The following KLF13 variants were observed in gnomAD, a reference collection of about 807,000 sequenced individuals.
KLF13 encodes the protein Krueppel-like factor 13.
KLF13 carries 8 observed loss-of-function variants against 16.7 expected under a neutral mutation model. The ratio of observed to expected loss-of-function variants is 0.48; its 90% CI spans 0.28 to 0.87. The LOEUF is 0.87. Among genes scored for constraint, KLF13 ranks in the 40% least tolerant of loss-of-function variants. The pLI, the probability that KLF13 is intolerant of heterozygous loss-of-function variation, is 0.10. For synonymous variants in KLF13, 245 were observed against 208.4 expected (o/e 1.18, Z -1.51); for missense variants, 447 against 452.2 (o/e 0.99, Z 0.10).
chr15:31,387,818 A>AGGGCTGTGACCAGCCTGTGATC (rs1300221338), intron 1 of KLF13, among the ~76,000 whole-genome samples: 2 of 152,236 alleles, frequency 1.3e-5, no homozygotes, highest in Non-Finnish European at 2.9e-5. Context: ...TGTCCGTGAC[A>AGGGCTGTGACCAGCCTGTGATC]GGGCTGTGAC....
At chr15:31,420,426 C>T in intron 1 of KLF13, 2 of 1,052,446 alleles carry the variant, frequency 1.9e-6, no homozygotes, top group Non-Finnish European at 2.9e-6. Context: ...AAGTTCCTCA[C>T]ATCCTGCTAC....
intron 1 of KLF13, among the ~76,000 whole-genome samples, chr15:31,362,878 C>T (rs188253950): frequency 8.5e-5 from 13 of 152,296 alleles, no homozygotes; most frequent in Non-Finnish European, 1.8e-4. Context: ...TTGTAAAGAA[C>T]TCATTCTACT....
At chr15:31,354,361 A>T (rs1566813901) in intron 1 of KLF13, among the ~76,000 whole-genome samples, 1 of 152,184 alleles carries the variant, frequency 6.6e-6, no homozygotes, top group African/African-American at 2.4e-5. Flanking sequence ...ATCCTTGTCC[A>T]TATATTAATA....
At position 31,327,513 on chromosome 15, in the gene KLF13, C is replaced by T. The variant is rs908089588; in HGVS notation, c.301C>T (p.Pro101Ser). Residue 101 changes from proline to serine, a missense_variant, in exon 1 of 2, where the codon CCC (proline) becomes TCC (serine). Pro to Ser is a moderately conservative substitution (Grantham distance 74). Transcript: ENST00000307145. ...KARTPCRLPPPAPEPTSPGAE... is the reference protein window; with the variant it reads ...KARTPCRLPPSAPEPTSPGAE... ...GAGGACCCCCTGCCGCCTGCCGCCGCCCGCCCCCGAGCCCACCTCCCCCGG... is the reference window on the plus strand; with the variant it reads ...GAGGACCCCCTGCCGCCTGCCGCCGTCCGCCCCCGAGCCCACCTCCCCCGG... 5 of 1,134,808 alleles carry T rather than the reference C, an allele frequency of 4.4e-6. No individual in the cohort carries two copies. Among genetic ancestry groups the T allele is most frequent in the African/African-American group, 3.3e-5 (2 of 60,434 alleles). The allele number at this position is 1,134,808 out of a possible 1,614,324, so 70.3% of individuals were successfully genotyped here. A position where few individuals can be genotyped will look rare whatever the true frequency, so the allele number is the denominator to read the frequency against.
In KLF13 at chr15:31,397,880, G is replaced by GGT. The variant is rs1555380285; in HGVS notation, n.529+4190_529+4191insTG. Among the ~76,000 whole-genome samples, 824 of 146,442 alleles carry GGT rather than the reference G, an allele frequency of 5.6e-3. 14 individuals are homozygous for GGT. Among genetic ancestry groups the GGT allele is most frequent in the African/African-American group, 0.021 (770 of 36,956 alleles). Reference sequence around the variant, plus strand: ...TGGTCTTTGGGGGTGGCGGCGGGGGGGGTGGTGATCCACTCTCCCTGGGGA... The same window carrying GGT: ...TGGTCTTTGGGGGTGGCGGCGGGGGGGTGGTGGTGATCCACTCTCCCTGGGGA... On this transcript the variant is annotated intron_variant and non_coding_transcript_variant, in intron 2 of 2. Transcript: ENST00000500533.
intron 1 of KLF13, among the ~76,000 whole-genome samples, chr15:31,431,047 T>C (rs2040465600): frequency 6.6e-6 from 1 of 152,068 alleles, no homozygotes; most frequent in African/African-American, 2.4e-5. Flanking sequence ...TATTTGGAGA[T>C]GGGGCATGCA....
At chr15:31,418,498 A>G (rs1006458068) in intron 1 of KLF13, among the ~76,000 whole-genome samples, 1 of 152,202 alleles carries the variant, frequency 6.6e-6, no homozygotes, top group Admixed American at 6.5e-5. Context: ...GTTCAAGGAC[A>G]AAAACAAAGA....
chr15:31,348,451 A>G (rs998054277), intron 1 of KLF13, among the ~76,000 whole-genome samples: 22 of 152,198 alleles, frequency 1.4e-4, no homozygotes, highest in African/African-American at 5.1e-4. Context: ...AAAAGCTAAA[A>G]GAAGAAATTA....
At position 31,327,729 on chromosome 15, in the gene KLF13, G is replaced by A. The variant is rs747188954; in HGVS notation, c.517G>A (p.Gly173Ser). ...PQRKHKCHYA[G>S]CEKVYGKSSH... ...GAGGAAGCACAAGTGCCACTACGCG[G>A]GCTGCGAGAAAGTTTACGGGAAATC... The change falls in exon 1 of 2, where the codon GGC becomes AGC. Residue 173 changes from glycine (G) to serine (S), a missense_variant. Physicochemically the swap from Gly to Ser is moderately conservative, Grantham distance 56. This residue lies in a region of KLF13 where 359 missense variants were observed against 282.8 expected (regional missense o/e 1.27). Transcript: ENST00000307145. 2 of 1,537,502 alleles carry A rather than the reference G, an allele frequency of 1.3e-6. No individual in the cohort carries two copies. The highest frequency in any genetic ancestry group is 1.8e-6 in the Non-Finnish European group (2 of 1,137,960).
At chr15:31,350,612 A>T (rs1269104084) in intron 1 of KLF13, among the ~76,000 whole-genome samples, 1 of 152,270 alleles carries the variant, frequency 6.6e-6, no homozygotes. Flanking sequence ...ATTTAGAGAA[A>T]GTAGCTTGGC....
At chr15:31,361,407 C>T (rs1212248182) in intron 1 of KLF13, among the ~76,000 whole-genome samples, 4 of 152,148 alleles carry the variant, frequency 2.6e-5, no homozygotes, top group African/African-American at 7.2e-5. Context: ...TCCTGTCTTC[C>T]GGGTTGGTAG....
chr15:31,418,046 A>C (rs1249950785), intron 1 of KLF13, among the ~76,000 whole-genome samples: 3 of 152,190 alleles, frequency 2.0e-5, no homozygotes, highest in African/African-American at 7.2e-5. Flanking sequence ...GCAAACACTA[A>C]CCAAAACCCA....
chr15:31,366,745 C>CCTGTGCTCACTGTGTGCCCCA (rs1319034953), intron 1 of KLF13, among the ~76,000 whole-genome samples: 2 of 151,862 alleles, frequency 1.3e-5, no homozygotes, highest in Admixed American at 6.6e-5. Context: ...TGTGTGCCCC[C>CCTGTGCTCACTGTGTGCCCCA]CTGTGCTCAC....
chr15:31,334,972 A>G (rs890894995), intron 1 of KLF13, among the ~76,000 whole-genome samples: 5 of 152,212 alleles, frequency 3.3e-5, no homozygotes, highest in African/African-American at 1.2e-4. Flanking sequence ...TACTCTTGGC[A>G]TCAATCGGGC....
chr15:31,366,709 C>T (rs1220494817), intron 1 of KLF13, among the ~76,000 whole-genome samples: 2 of 152,272 alleles, frequency 1.3e-5, no homozygotes, highest in African/African-American at 2.4e-5. Context: ...CCTGAAGGGC[C>T]GGGCCTGGCT....
intron 1 of KLF13, among the ~76,000 whole-genome samples, chr15:31,422,892 C>T (rs1232245945): frequency 6.6e-6 from 1 of 151,486 alleles, no homozygotes; most frequent in Non-Finnish European, 1.5e-5. Context: ...AAAAAATTAG[C>T]TGGGCTTGGT....
intron 1 of KLF13, among the ~76,000 whole-genome samples, chr15:31,387,646 G>A (rs1207817188): frequency 1.3e-5 from 2 of 152,200 alleles, no homozygotes; most frequent in East Asian, 1.9e-4. Context: ...AGTGGGGCTT[G>A]TTTTTCCTTT....
At chr15:31,428,224 C>A (rs1362388041) in intron 1 of KLF13, among the ~76,000 whole-genome samples, 1 of 152,092 alleles carries the variant, frequency 6.6e-6, no homozygotes, top group Non-Finnish European at 1.5e-5. Context: ...GGAAAAGGAT[C>A]ATTGTTGTTC....
At chr15:31,391,166 C>T (rs59970767), upstream of KLF13, among the ~76,000 whole-genome samples, 25,508 of 45,964 alleles carry the variant, frequency 0.55, 7,537 homozygotes, top group South Asian at 0.67. Context: ...CTCTGTAGGG[C>T]TGAGGGGGTT....
Sources: allele counts gnomAD v4.1 joint callset (sites outside exome capture counted in the v4.1 genomes callset), GRCh38; gene constraint gnomAD v4.1.1; regional missense constraint gnomAD v4.1.1; transcripts MANE v1.5; gene names NCBI Gene and HGNC (gene_info 2026-07-23, HGNC 2026-07-21).